ZBTB7A: variants seen among roughly 807,000 people sequenced by gnomAD.
The protein encoded by ZBTB7A is zinc finger and BTB domain containing 7A.
Under a neutral mutation model 26.7 loss-of-function variants are expected in ZBTB7A, and 7 were observed. That is an observed-to-expected ratio of 0.26 (90% CI 0.15 to 0.49). ZBTB7A has a LOEUF of 0.49. Among genes scored for constraint, ZBTB7A ranks in the 20% least tolerant of loss-of-function variants. ZBTB7A has a pLI of 0.98. For synonymous variants in ZBTB7A, 452 were observed against 441.0 expected (o/e 1.02, Z -0.31); for missense variants, 617 against 919.5 (o/e 0.67, Z 4.25).
At chr19:4,053,860 C>T (rs144829121) in intron 2 of ZBTB7A, 111 bp downstream of exon 2, 24 of 1,274,306 alleles carry the variant, frequency 1.9e-5, no homozygotes, top group Middle Eastern at 5.6e-4. Flanking sequence ...TGTATGTGTG[C>T]GTCTGCGTGC....
chr19:4,049,162 GTGTGTGTATATATA>G (rs1307739838), intron 2 of ZBTB7A, among the ~76,000 whole-genome samples: 1,618 of 18,216 alleles, frequency 0.089, 73 homozygotes, highest in African/African-American at 0.15. Flanking sequence ...GTGTGTGTGT[GTGTGTGTATATATA>G]TATATATATA....
In ZBTB7A at chr19:4,046,342, GT is replaced by G. The variant is rs750861348; in HGVS notation, c.*1409del. ...GAAGTGGATTCTACGTTTGTGGTGG[GT>G]TTTTTTTTTTATTATTTTGTACAAA... On this transcript the variant is annotated 3_prime_UTR_variant, in exon 3 of 3. Coordinates refer to ENST00000322357, the MANE Select transcript of ZBTB7A (RefSeq NM_015898.4). The G allele has an allele frequency of 0.015, 4,055 of 262,216 alleles. No homozygotes were observed. The highest frequency in any genetic ancestry group is 0.021 in the Middle Eastern group (20 of 942). The allele number at this position is 262,216 out of a possible 1,614,324, so 16.2% of individuals were successfully genotyped here.
chr19:4,047,532 G>T lies in ZBTB7A; in HGVS notation c.*220C>A. ...GGAGCCAGGGAGGGCCGGGGCCCCT[G>T]CGGAGGGAGAAAAACGTCAGAAAGG... On this transcript the variant is annotated 3_prime_UTR_variant, in exon 3 of 3. Transcript: ENST00000322357. The T allele has an allele frequency of 3.0e-6, 1 of 334,680 alleles. No homozygotes were observed. Among genetic ancestry groups the T allele is most frequent in the Non-Finnish European group, 4.8e-6 (1 of 206,354 alleles). 20.7% of individuals were successfully genotyped at this position (334,680 alleles called of 1,614,324 possible). A position where few individuals can be genotyped will look rare whatever the true frequency, so the allele number is the denominator to read the frequency against.
At position 4,045,751 on chromosome 19, in the gene ZBTB7A, C is replaced by G; in HGVS notation, c.*2001G>C. The G allele has an allele frequency of 5.0e-6, 2 of 397,332 alleles. No individual in the cohort carries two copies. Among genetic ancestry groups the G allele is most frequent in the Non-Finnish European group, 8.9e-6 (2 of 225,666 alleles). The allele number at this position is 397,332 out of a possible 1,614,324, so 24.6% of individuals were successfully genotyped here. On this transcript the variant is annotated 3_prime_UTR_variant, in exon 3 of 3. Coordinates refer to ENST00000322357, the MANE Select transcript of ZBTB7A (RefSeq NM_015898.4). This position sits in a 1 kb window ranked among gnomAD's most constrained non-coding sequence, Gnocchi z 4.1. The stretch of plus-strand genomic sequence containing the variant: ...AAACGGGGTGAGGGCGTCCTGGCAT[C>G]TGGCGACATAGTCTCCCCAACCCCG...
At chr19:4,055,589 G>C (rs143689179) in intron 1 of ZBTB7A, 1 of 465,508 alleles carries the variant, frequency 2.1e-6, no homozygotes, top group Non-Finnish European at 2.8e-6. Context: ...TTGGGAGGCC[G>C]AGACAGGCAG....
At position 4,048,169 on chromosome 19, in the gene ZBTB7A, G is replaced by C. The variant is rs2040448205; in HGVS notation, c.1338C>G (p.Ala446=). 3 of 1,608,122 alleles carry C rather than the reference G, an allele frequency of 1.9e-6. No individual in the cohort carries two copies. The highest frequency in any genetic ancestry group is 2.5e-6 in the Non-Finnish European group (3 of 1,178,836). The part of the protein sequence containing the change: ...KPYLCQQCGA[A]FAHNYDLKNH... ...TCTTCAGGTCGTAGTTGTGGGCAAA[G>C]GCGGCGCCGCACTGCTGGCACAGGT... is the stretch of plus-strand genomic sequence containing the variant. Residue 446 remains alanine (A), a synonymous_variant, in exon 3 of 3, where the codon GCC becomes GCG. Transcript: ENST00000322357. This position sits in a 1 kb window ranked among gnomAD's most constrained non-coding sequence, Gnocchi z 6.7.
chr19:4,063,804 C>T (rs577765114), intron 1 of ZBTB7A, among the ~76,000 whole-genome samples: 3 of 152,304 alleles, frequency 2.0e-5, no homozygotes, highest in African/African-American at 4.8e-5. Flanking sequence ...GACCTTGGGC[C>T]GCTCTCTGCT....
At chr19:4,053,200 G>T (rs1261272166) in intron 2 of ZBTB7A, among the ~76,000 whole-genome samples, 1 of 152,212 alleles carries the variant, frequency 6.6e-6, no homozygotes, top group East Asian at 1.9e-4. Flanking sequence ...ACCCTGTCCG[G>T]CACGCTTTGC....
At position 4,043,853 on chromosome 19, in the gene ZBTB7A, C is replaced by A. The variant is rs906365658; in HGVS notation, c.*3899G>T. 2.1e-5 allele frequency among the ~76,000 whole-genome samples: 3 copies of A among 145,786 alleles called. No individual in the cohort carries two copies. Among genetic ancestry groups the A allele is most frequent in the Non-Finnish European group, 4.6e-5 (3 of 64,816 alleles). On this transcript the variant is annotated 3_prime_UTR_variant, in exon 3 of 3. Transcript: ENST00000322357. ...GCGCCAGCCACCCACCACCCCCCCC[C>A]CCCCACCTCCAGGAAGGCTGCTTCA... is the stretch of plus-strand genomic sequence containing the variant.
At chr19:4,065,874 C>T (rs1337140970) in intron 1 of ZBTB7A, 1 of 143,458 alleles carries the variant, frequency 7.0e-6, no homozygotes, top group African/African-American at 2.5e-5. Flanking sequence ...CCACCGGCCC[C>T]CGGCGAGGGG....
chr19:4,049,168 GTATATA>G (rs1181215162), intron 2 of ZBTB7A, among the ~76,000 whole-genome samples: 2 of 14,956 alleles, frequency 1.3e-4, no homozygotes, highest in South Asian at 3.1e-3. Context: ...GTGTGTGTGT[GTATATA>G]TATATATATA....
At position 4,047,916 on chromosome 19, in the gene ZBTB7A, G is replaced by C; in HGVS notation, c.1591C>G (p.Arg531Gly). The change falls in exon 3 of 3, where the codon CGC (arginine) becomes GGC (glycine). Residue 531 changes from arginine (R) to glycine (G), a missense_variant. Physicochemically the swap from Arg to Gly is moderately radical, Grantham distance 125 (BLOSUM62 -2). Transcript: ENST00000322357. The part of the protein sequence containing the change: ...PAQPSSPDAR[R>G]NGQEKHFKDE... ...TTAAAGTGCTTCTCCTGGCCGTTGC[G>C]CCGGGCGTCGGGGGAGCTGGGCTGG... is the stretch of plus-strand genomic sequence containing the variant. The C allele has an allele frequency of 6.5e-7, 1 of 1,529,612 alleles. No homozygotes were observed. The highest frequency in any genetic ancestry group is 8.8e-7 in the Non-Finnish European group (1 of 1,139,024). 94.8% of individuals were successfully genotyped at this position (1,529,612 alleles called of 1,614,324 possible).
rs2040411339 is a variant in ZBTB7A at position 4,045,953 on chromosome 19, C to T, written c.*1799G>A. 7.5e-6 allele frequency: 3 copies of T among 398,698 alleles called. No individual in the cohort carries two copies. Among genetic ancestry groups the T allele is most frequent in the African/African-American group, 2.1e-5 (1 of 48,590 alleles). The allele number at this position is 398,698 out of a possible 1,614,324, so 24.7% of individuals were successfully genotyped here. A position where few individuals can be genotyped will look rare whatever the true frequency, so the allele number is the denominator to read the frequency against. On this transcript the variant is annotated 3_prime_UTR_variant, in exon 3 of 3. Coordinates refer to ENST00000322357, the MANE Select transcript of ZBTB7A (RefSeq NM_015898.4). This position sits in a 1 kb window ranked among gnomAD's most constrained non-coding sequence, Gnocchi z 4.1. ...GGCCCTGGAGGTGGGGGGCCCCTGT[C>T]ACCCACCTCAGCAGGGTAGGCGCAT...
In ZBTB7A at chr19:4,045,741, G is replaced by A. The variant is rs899555689; in HGVS notation, c.*2011C>T. On this transcript the variant is annotated 3_prime_UTR_variant, in exon 3 of 3. Transcript: ENST00000322357. This position sits in a 1 kb window ranked among gnomAD's most constrained non-coding sequence, Gnocchi z 4.1. ...TTGCATATGCAAACGGGGTGAGGGC[G>A]TCCTGGCATCTGGCGACATAGTCTC... The A allele has an allele frequency of 2.5e-6, 1 of 396,828 alleles. No homozygotes were observed. Among genetic ancestry groups the A allele is most frequent in the Admixed American group, 4.4e-5 (1 of 22,698 alleles). 24.6% of individuals were successfully genotyped at this position (396,828 alleles called of 1,614,324 possible). A position where few individuals can be genotyped will look rare whatever the true frequency, so the allele number is the denominator to read the frequency against.
rs1295719933 is a variant in ZBTB7A, at chr19:4,054,878, C to T, written c.355G>A (p.Val119Met). ...AGGAGGTCGGCGCACACGTGGCTCA[C>T]GGCGGGGATCTCCAGCAGGCGGGCG... Reference protein sequence around the residue: ...SAARLLEIPAVSHVCADLLDR... With the variant: ...SAARLLEIPAMSHVCADLLDR... The change falls in exon 2 of 3, where the codon GTG becomes ATG. Residue 119 changes from valine to methionine, a missense_variant. Transcript: ENST00000322357. The T allele has an allele frequency of 1.2e-6, 2 of 1,606,804 alleles. No homozygotes were observed. The highest frequency in any genetic ancestry group is 1.7e-6 in the Non-Finnish European group (2 of 1,176,564).
chr19:4,054,147 G>A lies in ZBTB7A; in HGVS notation c.1086C>T (p.Gly362=), dbSNP rs998860497. 2 of 1,603,400 alleles carry A rather than the reference G, an allele frequency of 1.2e-6. No homozygotes were observed. The highest frequency in any genetic ancestry group is 1.7e-5 in the Admixed American group (1 of 59,974). ...YLKYFSGAHD[G]DVYPAWSQKV... ...TCTGCGACCAGGCCGGGTAGACGTC[G>A]CCGTCGTGGGCGCCGCTGAAGTACT... Residue 362 remains glycine, a synonymous_variant, in exon 2 of 3, where the codon GGC becomes GGT. Transcript: ENST00000322357.
At position 4,054,161 on chromosome 19, in the gene ZBTB7A, C is replaced by T. The variant is rs780740309; in HGVS notation, c.1072G>A (p.Gly358Ser). ...GGGTAGACGTCGCCGTCGTGGGCGC[C>T]GCTGAAGTACTTCAGGTAGTAGTCC... Reference protein sequence around the residue: ...VMDYYLKYFSGAHDGDVYPAW... With the variant: ...VMDYYLKYFSSAHDGDVYPAW... Residue 358 changes from glycine to serine, a missense_variant, in exon 2 of 3, where the codon GGC (glycine) becomes AGC (serine). This residue lies in a region of ZBTB7A where 331 missense variants were observed against 391.3 expected (regional missense o/e 0.85). Coordinates refer to ENST00000322357, the MANE Select transcript of ZBTB7A (RefSeq NM_015898.4). 6.2e-7 allele frequency: 1 copy of T among 1,601,752 alleles called. No individual in the cohort carries two copies. The highest frequency in any genetic ancestry group is 8.5e-7 in the Non-Finnish European group (1 of 1,179,510).
rs551561293 is a variant in ZBTB7A at position 4,048,452 on chromosome 19, G to A, written c.1263-208C>T. 1.1e-4 allele frequency among the ~76,000 whole-genome samples: 16 copies of A among 152,298 alleles called. No individual in the cohort carries two copies. Among genetic ancestry groups the A allele is most frequent in the African/African-American group, 3.4e-4 (14 of 41,552 alleles). On this transcript the variant is annotated intron_variant, in intron 2 of 2. Coordinates refer to ENST00000322357, the MANE Select transcript of ZBTB7A (RefSeq NM_015898.4). This position sits in a 1 kb window ranked among gnomAD's most constrained non-coding sequence, Gnocchi z 6.7. ...TTCGCATTCTGAACATCTAAAGAGG[G>A]CCTCGGACCCTGAGTGCTGTGTGGC...
At chr19:4,062,758 T>C (rs960584662) in intron 1 of ZBTB7A, 1 of 152,292 alleles carries the variant, frequency 6.6e-6, no homozygotes, top group Non-Finnish European at 1.5e-5. Flanking sequence ...CCAGCTGACA[T>C]GGGTGGCTCA....
Sources: allele counts gnomAD v4.1 joint callset (sites outside exome capture counted in the v4.1 genomes callset), GRCh38; gene constraint gnomAD v4.1.1; regional missense constraint gnomAD v4.1.1; non-coding constraint Gnocchi (gnomAD v3.1); transcripts MANE v1.5; gene names NCBI Gene and HGNC (gene_info 2026-07-23, HGNC 2026-07-21).